Variants in GSG1L observed in about 807,000 individuals in gnomAD.
GSG1L encodes the protein germ cell-specific gene 1-like protein.
A neutral mutation model predicts 42.1 loss-of-function variants in GSG1L; 24 were observed. The ratio of observed to expected loss-of-function variants is 0.57; its 90% CI spans 0.41 to 0.80. The LOEUF is 0.80. Ranked by LOEUF, GSG1L falls within the 30% of genes least tolerant of loss-of-function variation. The probability of loss-of-function intolerance (pLI) is 0.00; values close to 1 mark genes in which losing one functional copy is unlikely to be tolerated. For synonymous variants in GSG1L, 215 were observed against 203.5 expected (o/e 1.06, Z -0.48); for missense variants, 445 against 472.2 (o/e 0.94, Z 0.53).
chr16:28,046,491 C>T (rs1407992587), intron 1 of GSG1L, among the ~76,000 whole-genome samples: 2 of 151,876 alleles, frequency 1.3e-5, no homozygotes, highest in East Asian at 1.9e-4. Context: ...ATAGCTCGGA[C>T]GACAGGCGCC....
chr16:27,889,770 T>C (rs1414621757), intron 2 of GSG1L, among the ~76,000 whole-genome samples: 1 of 152,116 alleles, frequency 6.6e-6, no homozygotes, highest in Non-Finnish European at 1.5e-5. Context: ...TCAATTCCCT[T>C]ACCAGTCTCC....
intron 3 of GSG1L, among the ~76,000 whole-genome samples, chr16:27,853,528 G>A (rs1242311296): frequency 6.6e-6 from 1 of 152,088 alleles, no homozygotes; most frequent in African/African-American, 2.4e-5. Context: ...GGAGCATTTT[G>A]GGGGGTCAGC....
chr16:28,034,277 T>G (rs773731087), intron 1 of GSG1L, among the ~76,000 whole-genome samples: 1 of 60,718 alleles, frequency 1.6e-5, no homozygotes, highest in Non-Finnish European at 3.2e-5. Context: ...CCCATCCCAT[T>G]CCATCCCAAC....
In GSG1L at chr16:27,789,861, TGAA is replaced by T. The variant is rs2082733430; in HGVS notation, c.*1506_*1508del. On this transcript the variant is annotated 3_prime_UTR_variant, in exon 7 of 7. Coordinates refer to ENST00000447459, the MANE Select transcript of GSG1L (RefSeq NM_001109763.2). The stretch of plus-strand genomic sequence containing the variant: ...GGATGAAGGATGGATGGATGGATGA[TGAA>T]GGATGGATGGTTGATGGACTATAGA... 1 of 148,924 alleles carries T rather than the reference TGAA, an allele frequency of 6.7e-6. No homozygotes were observed. Among genetic ancestry groups the T allele is most frequent in the Admixed American group, 6.7e-5 (1 of 14,984 alleles). 9.2% of individuals were successfully genotyped at this position (148,924 alleles called of 1,614,324 possible).
chr16:28,025,264 G>A (rs2085887135), intron 1 of GSG1L, among the ~76,000 whole-genome samples: 1 of 152,164 alleles, frequency 6.6e-6, no homozygotes, highest in Non-Finnish European at 1.5e-5. Flanking sequence ...AGGAAAGGGA[G>A]ATGAGGGAGC....
At chr16:27,965,545 T>A (rs78648164) in intron 1 of GSG1L, among the ~76,000 whole-genome samples, 1 of 152,170 alleles carries the variant, frequency 6.6e-6, no homozygotes, top group African/African-American at 2.4e-5. Context: ...CACACATTAA[T>A]GTCTATTTCC....
At chr16:27,893,552 T>C (rs1397174828) in intron 2 of GSG1L, among the ~76,000 whole-genome samples, 1 of 152,182 alleles carries the variant, frequency 6.6e-6, no homozygotes, top group Non-Finnish European at 1.5e-5. Flanking sequence ...CTAATAAGTG[T>C]CATTATTCAC....
At chr16:28,049,686 C>CAAA (rs34371458) in intron 1 of GSG1L, among the ~76,000 whole-genome samples, 1 of 122,284 alleles carries the variant, frequency 8.2e-6, no homozygotes. Flanking sequence ...GACCCTGTCT[C>CAAA]AAAAAAAAAA....
intron 1 of GSG1L, among the ~76,000 whole-genome samples, chr16:28,007,987 C>G (rs2085665350): frequency 6.6e-6 from 1 of 152,218 alleles, no homozygotes; most frequent in Non-Finnish European, 1.5e-5. Context: ...ACTATAGAAA[C>G]TGCACGCATT....
chr16:27,839,346 C>T (rs1341803042), intron 4 of GSG1L, among the ~76,000 whole-genome samples: 4 of 152,346 alleles, frequency 2.6e-5, no homozygotes, highest in East Asian at 1.9e-4. Context: ...TTCCACACCA[C>T]GATGTCCCAC....
intron 1 of GSG1L, among the ~76,000 whole-genome samples, chr16:28,009,068 C>T (rs752459090): frequency 2.6e-5 from 4 of 152,144 alleles, no homozygotes; most frequent in Admixed American, 6.6e-5. Flanking sequence ...CTTGGCCTCC[C>T]GAAGTACTGG....
chr16:28,056,531 A>G (rs535837871), intron 1 of GSG1L, among the ~76,000 whole-genome samples: 78 of 110,238 alleles, frequency 7.1e-4, no homozygotes, highest in African/African-American at 2.0e-3. Flanking sequence ...TGACGAGTTA[A>G]TGGGTGCAGC....
chr16:28,008,277 A>C (rs1406800846), intron 1 of GSG1L, among the ~76,000 whole-genome samples: 1 of 151,806 alleles, frequency 6.6e-6, no homozygotes, highest in African/African-American at 2.4e-5. Context: ...ACAGGGTTTC[A>C]CCATGTTGGC....
chr16:28,012,242 C>T (rs372070306), intron 1 of GSG1L, among the ~76,000 whole-genome samples: 2 of 152,168 alleles, frequency 1.3e-5, no homozygotes, highest in South Asian at 4.1e-4. Flanking sequence ...CTCTGCCCTC[C>T]CACCACCCCT....
At chr16:27,913,850 T>G (rs1046100179) in intron 2 of GSG1L, among the ~76,000 whole-genome samples, 1 of 152,240 alleles carries the variant, frequency 6.6e-6, no homozygotes, top group Non-Finnish European at 1.5e-5. Flanking sequence ...TAAAATTTTT[T>G]TCTACGTATT....
Position 28,044,375 on chromosome 16 carries a change from C to A in GSG1L, c.349+18701G>T, listed in dbSNP as rs187030089. The stretch of plus-strand genomic sequence containing the variant: ...CAGCTTCTTACAAAACTAAATATAC[C>A]CTTACCAAACTATCCAAAAATTGTG... On this transcript the variant is annotated intron_variant, in intron 1 of 6. Transcript: ENST00000447459. 2.9e-3 allele frequency among the ~76,000 whole-genome samples: 445 copies of A among 152,202 alleles called. 2 individuals carry two copies. The highest frequency in any genetic ancestry group is 0.01 in the African/African-American group (429 of 41,516).
chr16:27,991,487 C>A (rs1268120718), intron 1 of GSG1L, among the ~76,000 whole-genome samples: 1 of 151,808 alleles, frequency 6.6e-6, no homozygotes, highest in Non-Finnish European at 1.5e-5. Context: ...CTCACTGCAA[C>A]CGCTGCCCCC....
At chr16:27,897,110 C>A (rs1043996151) in intron 2 of GSG1L, among the ~76,000 whole-genome samples, 1 of 152,182 alleles carries the variant, frequency 6.6e-6, no homozygotes. Context: ...GTGATCCCCC[C>A]ACCTCGGCCT....
rs566853488 is a variant in GSG1L, at chr16:28,056,509, G to A, written c.349+6567C>T. On this transcript the variant is annotated intron_variant, in intron 1 of 6. Coordinates refer to ENST00000447459, the MANE Select transcript of GSG1L (RefSeq NM_001109763.2). ...GGGGAGGGATAGCATTAGGAGATAT[G>A]CCTAAGGTAAATGACGAGTTAATGG... 1.1e-4 allele frequency among the ~76,000 whole-genome samples: 16 copies of A among 146,140 alleles called. No individual in the cohort carries two copies. In the East Asian group the frequency reaches 2.3e-3, roughly 21 times the overall value.
Sources: allele counts gnomAD v4.1 joint callset (sites outside exome capture counted in the v4.1 genomes callset), GRCh38; gene constraint gnomAD v4.1.1; transcripts MANE v1.5; gene names NCBI Gene and HGNC (gene_info 2026-07-23, HGNC 2026-07-21).